Variants in CADPS observed in about 807,000 individuals in gnomAD.
CADPS encodes calcium-dependent secretion activator 1.
Under a neutral mutation model 167.3 loss-of-function variants are expected in CADPS, and 57 were observed. That is an observed-to-expected ratio of 0.34 (90% CI 0.28 to 0.42). The LOEUF (loss-of-function observed/expected upper bound fraction) is 0.42, where lower values mean the gene tolerates loss of function less well. Ranked by LOEUF, CADPS falls within the 20% of genes least tolerant of loss-of-function variation. The pLI, the probability that CADPS is intolerant of heterozygous loss-of-function variation, is 1.00. For missense variants in CADPS, 1,414 were observed against 1,738.1 expected (o/e 0.81, Z 3.32); for synonymous variants, 676 against 635.3 (o/e 1.06, Z -0.96).
At chr3:62,496,484 C>A (rs1380409850) in intron 18 of CADPS, among the ~76,000 whole-genome samples, 1 of 152,238 alleles carries the variant, frequency 6.6e-6, no homozygotes, top group Non-Finnish European at 1.5e-5. Context: ...ACTTTCCACA[C>A]AGGTTTTGTC....
intron 1 of CADPS, among the ~76,000 whole-genome samples, chr3:62,845,330 C>T (rs1180870360): frequency 6.6e-6 from 1 of 152,062 alleles, no homozygotes; most frequent in Non-Finnish European, 1.5e-5. Context: ...GTTGAACAGC[C>T]AAAAATGGAG....
chr3:62,639,981 T>A (rs1202717294), intron 6 of CADPS, among the ~76,000 whole-genome samples: 1 of 152,170 alleles, frequency 6.6e-6, no homozygotes, highest in Non-Finnish European at 1.5e-5. Flanking sequence ...AATTATAATC[T>A]GTTGTTACCC....
chr3:62,725,525 T>C (rs922892632), intron 3 of CADPS, among the ~76,000 whole-genome samples: 1 of 152,202 alleles, frequency 6.6e-6, no homozygotes, highest in Non-Finnish European at 1.5e-5. Context: ...TTGTGAACAG[T>C]TTATTTAACA....
intron 17 of CADPS, among the ~76,000 whole-genome samples, chr3:62,507,161 T>C (rs1172175943): frequency 1.3e-5 from 2 of 152,282 alleles, no homozygotes; most frequent in East Asian, 1.9e-4. Context: ...GGGCGGGAGC[T>C]TGGAGCATCT....
intron 3 of CADPS, among the ~76,000 whole-genome samples, chr3:62,668,203 T>C (rs572283401): frequency 2.0e-5 from 3 of 152,236 alleles, no homozygotes; most frequent in African/African-American, 4.8e-5. Context: ...ATTTGAATAA[T>C]TGTTCTGCTT....
At chr3:62,468,325 T>C (rs1435377542) in intron 24 of CADPS, among the ~76,000 whole-genome samples, 1 of 152,182 alleles carries the variant, frequency 6.6e-6, no homozygotes, top group East Asian at 1.9e-4. Flanking sequence ...GATTCACATT[T>C]ATTAATTATG....
intron 18 of CADPS, among the ~76,000 whole-genome samples, chr3:62,496,401 A>G (rs2064810351): frequency 6.6e-6 from 1 of 152,238 alleles, no homozygotes; most frequent in South Asian, 2.1e-4. Context: ...AACAGGTGGT[A>G]GTGCCTTTCT....
intron 1 of CADPS, among the ~76,000 whole-genome samples, chr3:62,845,129 T>C (rs2077203914): frequency 1.3e-5 from 2 of 152,214 alleles, no homozygotes; most frequent in Non-Finnish European, 2.9e-5. Context: ...CTCCTTTGTT[T>C]CAACTATTCC....
rs12639215 is a variant in CADPS at position 62,448,622 on chromosome 3, G to C, written c.3637-2825C>G. Among the ~76,000 whole-genome samples, 114 of 93,636 alleles carry C rather than the reference G, an allele frequency of 1.2e-3. 2 individuals carry two copies. In the East Asian group the frequency reaches 0.03, roughly 24 times the overall value. The allele number at this position is 93,636 out of a possible 152,430, so 61.4% of individuals were successfully genotyped here. A position where few individuals can be genotyped will look rare whatever the true frequency, so the allele number is the denominator to read the frequency against. ...TTGGTTCGGGATATTGAACTTTTTTGGGGGGGGGTGGTATGGAGTCTCACT... is the reference window on the plus strand; with the variant it reads ...TTGGTTCGGGATATTGAACTTTTTTCGGGGGGGGTGGTATGGAGTCTCACT... On this transcript the variant is annotated intron_variant, in intron 26 of 29. Transcript: ENST00000383710.
At chr3:62,834,860 G>C (rs1226504580) in intron 1 of CADPS, among the ~76,000 whole-genome samples, 1 of 152,114 alleles carries the variant, frequency 6.6e-6, no homozygotes, top group Non-Finnish European at 1.5e-5. Context: ...GAAAACTAAG[G>C]CAAGAAACTG....
At chr3:62,821,975 C>T (rs1264488448) in intron 1 of CADPS, among the ~76,000 whole-genome samples, 1 of 152,114 alleles carries the variant, frequency 6.6e-6, no homozygotes, top group Admixed American at 6.6e-5. Context: ...GGCGGCTGCT[C>T]TAAGCTTCTA....
At chr3:62,630,791 C>T (rs936378123) in intron 6 of CADPS, among the ~76,000 whole-genome samples, 2 of 152,088 alleles carry the variant, frequency 1.3e-5, no homozygotes, top group African/African-American at 2.4e-5. Flanking sequence ...TGTTATAATG[C>T]TGACTTGGAG....
intron 13 of CADPS, among the ~76,000 whole-genome samples, chr3:62,521,484 G>C (rs1465577609): frequency 6.6e-6 from 1 of 152,138 alleles, no homozygotes; most frequent in African/African-American, 2.4e-5. Context: ...TTGTCTTTCT[G>C]AAAATATTTG....
intron 1 of CADPS, among the ~76,000 whole-genome samples, chr3:62,841,361 A>G (rs914296731): frequency 2.6e-5 from 4 of 152,170 alleles, no homozygotes; most frequent in African/African-American, 7.2e-5. Context: ...CCCCTTAGAG[A>G]GGGAAAAATT....
At chr3:62,475,418 CA>C (rs2150643996) in intron 23 of CADPS, among the ~76,000 whole-genome samples, 1 of 152,026 alleles carries the variant, frequency 6.6e-6, no homozygotes, top group Admixed American at 6.5e-5. Flanking sequence ...ATCATACAGC[CA>C]CCAGGAAAGC....
At chr3:62,691,960 T>A (rs1237102089) in intron 3 of CADPS, among the ~76,000 whole-genome samples, 1 of 151,680 alleles carries the variant, frequency 6.6e-6, no homozygotes, top group African/African-American at 2.4e-5. Flanking sequence ...AAAGATAGGA[T>A]TTTTTGATAA....
chr3:62,541,071 T>A (rs2075605816), intron 11 of CADPS, among the ~76,000 whole-genome samples: 1 of 152,208 alleles, frequency 6.6e-6, no homozygotes, highest in Admixed American at 6.5e-5. Context: ...AAGTGGCTGC[T>A]TAAAACCCCA....
Position 62,570,911 on chromosome 3 carries a change from G to C in CADPS, c.1605C>G (p.Val535=). The C allele has an allele frequency of 6.2e-7, 1 of 1,610,764 alleles. No homozygotes were observed. ...AAAACCTTTTCTTCCATCTCTTCCA[G>C]ACATTCTTACCGATGGCCCATAAAT... The part of the protein sequence containing the change: ...SGYLWAIGKN[V]WKRWKKRFFV... The change falls in exon 9 of 30, where the codon GTC becomes GTG. Residue 535 remains valine (V), a synonymous_variant. Coordinates refer to ENST00000383710, the MANE Select transcript of CADPS (RefSeq NM_003716.4).
chr3:62,659,901 A>G (rs985925541), intron 4 of CADPS, among the ~76,000 whole-genome samples: 1 of 152,234 alleles, frequency 6.6e-6, no homozygotes, highest in Non-Finnish European at 1.5e-5. Context: ...AGAAACCCTC[A>G]ATACCCTAGA....
Sources: allele counts gnomAD v4.1 joint callset (sites outside exome capture counted in the v4.1 genomes callset), GRCh38; gene constraint gnomAD v4.1.1; transcripts MANE v1.5; gene names NCBI Gene and HGNC (gene_info 2026-07-23, HGNC 2026-07-21).